Variants in RHBDD1 observed in about 807,000 individuals in gnomAD.
RHBDD1 encodes rhomboid domain containing 1, also known as rhomboid-related protein 4.
A neutral mutation model predicts 36.3 loss-of-function variants in RHBDD1; 38 were observed. That is an observed-to-expected ratio of 1.05 (90% CI 0.81 to 1.37). RHBDD1 has a LOEUF of 1.37. Ranked by LOEUF, RHBDD1 falls within the 40% of genes most tolerant of loss-of-function variation. The pLI, the probability that RHBDD1 is intolerant of heterozygous loss-of-function variation, is 0.00. For synonymous variants in RHBDD1, 151 were observed against 136.5 expected (o/e 1.11, Z -0.74); for missense variants, 393 against 377.6 (o/e 1.04, Z -0.34).
intron 8 of RHBDD1, among the ~76,000 whole-genome samples, chr2:226,976,360 C>T (rs562379439): frequency 6.6e-6 from 1 of 150,858 alleles, no homozygotes; most frequent in Non-Finnish European, 1.5e-5. Context: ...AAGTCCAAGT[C>T]GAGACGTCTG....
At chr2:226,854,239 CTTA>C (rs1420426853) in intron 3 of RHBDD1, among the ~76,000 whole-genome samples, 1 of 152,100 alleles carries the variant, frequency 6.6e-6, no homozygotes, top group East Asian at 1.9e-4. Flanking sequence ...TGAGGTGGTC[CTTA>C]TTATTATTTA....
chr2:226,834,142 C>T (rs1300511091), upstream of RHBDD1, among the ~76,000 whole-genome samples: 2 of 152,110 alleles, frequency 1.3e-5, no homozygotes, highest in Non-Finnish European at 2.9e-5. Context: ...TTAAAATCAC[C>T]TCTGCATTTG....
chr2:226,908,929 G>A (rs571242621), intron 7 of RHBDD1, 51 bp downstream of exon 7: 3 of 1,182,186 alleles, frequency 2.5e-6, no homozygotes, highest in African/African-American at 1.5e-5. Flanking sequence ...TAAAATTATA[G>A]TGTTCAGCTC....
At chr2:226,913,411 A>C (rs1167275091) in intron 7 of RHBDD1, among the ~76,000 whole-genome samples, 1 of 152,230 alleles carries the variant, frequency 6.6e-6, no homozygotes, top group African/African-American at 2.4e-5. Context: ...TCTGTGGGGA[A>C]CAAAAATCTC....
chr2:226,961,250 G>A (rs866698888), intron 8 of RHBDD1, among the ~76,000 whole-genome samples: 1 of 152,122 alleles, frequency 6.6e-6, no homozygotes, highest in Non-Finnish European at 1.5e-5. Flanking sequence ...GGGTAGGGAG[G>A]TATATTATAC....
chr2:226,889,065 T>A (rs1404116112), intron 5 of RHBDD1, among the ~76,000 whole-genome samples: 1 of 152,248 alleles, frequency 6.6e-6, no homozygotes, highest in African/African-American at 2.4e-5. Flanking sequence ...CATTTAAAAT[T>A]CATAAATTCC....
chr2:226,881,016 C>T (rs184989872), intron 5 of RHBDD1, among the ~76,000 whole-genome samples: 12 of 152,206 alleles, frequency 7.9e-5, no homozygotes, highest in Non-Finnish European at 1.3e-4. Context: ...GAGTTTTGAT[C>T]GGCTCACCAT....
chr2:226,874,379 T>C (rs116686455), intron 5 of RHBDD1, among the ~76,000 whole-genome samples: 1,696 of 152,252 alleles, frequency 0.011, 28 homozygotes, highest in South Asian at 0.043. Context: ...TAGTTTCTTA[T>C]TGTTGCTGTA....
At chr2:226,803,331 T>TGA in the RHBDD1 span, among the ~76,000 whole-genome samples, 9 of 150,878 alleles carry the variant, frequency 6.0e-5, no homozygotes, top group Non-Finnish European at 1.0e-4. Flanking sequence ...TGTGTGTGTG[T>TGA]GTGAGAGAGA....
chr2:226,982,159 C>A (rs1035117495), intron 8 of RHBDD1, among the ~76,000 whole-genome samples: 1 of 152,248 alleles, frequency 6.6e-6, no homozygotes, highest in African/African-American at 2.4e-5. Flanking sequence ...CTGGGAGGTT[C>A]CCAGTGATTC....
chr2:226,839,270 A>G (rs1212521414), intron 2 of RHBDD1, 139 bp from the exon 3 acceptor site: 1 of 152,228 alleles, frequency 6.6e-6, no homozygotes, highest in Non-Finnish European at 1.5e-5. Context: ...TATATATGTA[A>G]AATTAGATAC....
chr2:226,867,936 C>CTCGA (rs1369690773), intron 5 of RHBDD1, among the ~76,000 whole-genome samples: 5 of 152,146 alleles, frequency 3.3e-5, no homozygotes, highest in Non-Finnish European at 7.3e-5. Flanking sequence ...CCAGGATGGT[C>CTCGA]TCGATCTCTT....
intron 8 of RHBDD1, among the ~76,000 whole-genome samples, chr2:226,918,614 TC>T (rs1176762951): frequency 6.6e-6 from 1 of 152,100 alleles, no homozygotes; most frequent in Non-Finnish European, 1.5e-5. Flanking sequence ...AACCTCCAGT[TC>T]CATCTACGTT....
At chr2:226,973,408 T>C (rs990225809) in intron 8 of RHBDD1, among the ~76,000 whole-genome samples, 6 of 152,208 alleles carry the variant, frequency 3.9e-5, no homozygotes, top group African/African-American at 1.4e-4. Flanking sequence ...TCTGGGAAAG[T>C]TGGGAAGTGA....
chr2:226,880,139 G>A (rs1229443244), intron 5 of RHBDD1, among the ~76,000 whole-genome samples: 2 of 152,040 alleles, frequency 1.3e-5, no homozygotes, highest in South Asian at 2.1e-4. Context: ...TATCTACTTG[G>A]ACTGTTGCAT....
intron 7 of RHBDD1, among the ~76,000 whole-genome samples, chr2:226,913,355 A>G (rs1387215282): frequency 6.6e-6 from 1 of 152,234 alleles, no homozygotes. Flanking sequence ...AATCAAACAG[A>G]CTATTTTACT....
intron 5 of RHBDD1, among the ~76,000 whole-genome samples, chr2:226,894,193 C>G (rs1357258988): frequency 6.6e-6 from 1 of 152,150 alleles, no homozygotes; most frequent in African/African-American, 2.4e-5. Context: ...ATGAGGATTC[C>G]ACACAGAGGT....
the RHBDD1 span, chr2:226,804,585 T>A: frequency 6.6e-6 from 1 of 152,190 alleles, no homozygotes; most frequent in Admixed American, 6.5e-5. Flanking sequence ...TCATCTTGAT[T>A]TCATCCCTCA....
intron 8 of RHBDD1, among the ~76,000 whole-genome samples, chr2:226,985,884 T>A (rs79244199): frequency 0.016 from 2,506 of 152,358 alleles, 61 homozygotes; most frequent in African/African-American, 0.058. Flanking sequence ...TTTATCCAGG[T>A]AACTCTTAGT....
Sources: allele counts gnomAD v4.1 joint callset (sites outside exome capture counted in the v4.1 genomes callset), GRCh38; gene constraint gnomAD v4.1.1; transcripts MANE v1.5; gene names NCBI Gene and HGNC (gene_info 2026-07-23, HGNC 2026-07-21).